PRDM16: variants seen among roughly 807,000 people sequenced by gnomAD.
PRDM16 encodes histone-lysine N-methyltransferase PRDM16.
In PRDM16, 23 loss-of-function variants were observed where a neutral mutation model predicts 110.6. The observed-to-expected ratio is 0.21, with a 90% CI of 0.15 to 0.29. PRDM16 has a LOEUF of 0.29. Ranked by LOEUF, PRDM16 falls within the 10% of genes least tolerant of loss-of-function variation. PRDM16 has a pLI of 1.00. For missense variants in PRDM16, 1,615 were observed against 1,794.3 expected, an observed-to-expected ratio of 0.90 and a Z score of 1.81; for synonymous variants, 799 against 781.8, an observed-to-expected ratio of 1.02 and a Z score of -0.37.
At chr1:3,303,505 G>A (rs1317253263) in intron 3 of PRDM16, among the ~76,000 whole-genome samples, 1 of 152,216 alleles carries the variant, frequency 6.6e-6, no homozygotes, top group Non-Finnish European at 1.5e-5. Context: ...TCGCCGTTGG[G>A]AAGAGTGCCG....
chr1:3,293,150 C>T (rs1002036297), intron 3 of PRDM16, among the ~76,000 whole-genome samples: 8 of 152,230 alleles, frequency 5.3e-5, no homozygotes, highest in South Asian at 4.1e-4. Flanking sequence ...GGCTCAGACA[C>T]GTGTTGAGTG....
Position 3,080,945 on chromosome 1 carries a change from G to C in PRDM16, c.37+11649G>C, listed in dbSNP as rs1198998589. 6.6e-6 allele frequency among the ~76,000 whole-genome samples: 1 copy of C among 151,400 alleles called. No homozygotes were observed. The highest frequency in any genetic ancestry group is 2.0e-4 in the East Asian group (1 of 5,108). On this transcript the variant is annotated intron_variant, in intron 1 of 16. Coordinates refer to ENST00000270722, the MANE Select transcript of PRDM16 (RefSeq NM_022114.4). This position sits in a 1 kb window ranked among gnomAD's most constrained non-coding sequence, Gnocchi z 5.2. ...GTGCCTGAGAGTGTGTGTGTGTAGA[G>C]GGGGTGGCGGGGCGGGGGGGGTCTG...
At position 3,143,929 on chromosome 1, in the gene PRDM16, G is replaced by A. The variant is rs147612088; in HGVS notation, c.38-42196G>A. 2.6e-5 allele frequency among the ~76,000 whole-genome samples: 4 copies of A among 152,288 alleles called. No individual in the cohort carries two copies. Among genetic ancestry groups the A allele is most frequent in the East Asian group, 1.9e-4 (1 of 5,184 alleles). On this transcript the variant is annotated intron_variant, in intron 1 of 16. Coordinates refer to ENST00000270722, the MANE Select transcript of PRDM16 (RefSeq NM_022114.4). The surrounding 1 kb of genome is among the most constrained non-coding windows in gnomAD (Gnocchi z 4.5). Reference sequence around the variant, plus strand: ...TGGGGCATCTTGTCATGTGTTAGTCGTAGTGAAGGCTCCACAAGCACTTTT... The same window carrying A: ...TGGGGCATCTTGTCATGTGTTAGTCATAGTGAAGGCTCCACAAGCACTTTT...
At chr1:3,325,239 G>A (rs1450734054) in intron 3 of PRDM16, among the ~76,000 whole-genome samples, 2 of 152,346 alleles carry the variant, frequency 1.3e-5, no homozygotes, top group East Asian at 3.9e-4. Flanking sequence ...AGCCTGCCAG[G>A]GAGGAGTGAC....
At chr1:3,098,300 C>T (rs751575359) in intron 1 of PRDM16, among the ~76,000 whole-genome samples, 39 of 152,308 alleles carry the variant, frequency 2.6e-4, no homozygotes, top group Non-Finnish European at 2.1e-4. Flanking sequence ...TTTCTTGGGG[C>T]CGGCTCCCTG....
At chr1:3,393,349 C>T (rs1643328120) in intron 4 of PRDM16, among the ~76,000 whole-genome samples, 1 of 152,254 alleles carries the variant, frequency 6.6e-6, no homozygotes, top group Non-Finnish European at 1.5e-5. Flanking sequence ...TAAAGGCTAT[C>T]AGAGACTCCA....
At chr1:3,259,292 G>T (rs573283076) in intron 3 of PRDM16, among the ~76,000 whole-genome samples, 1 of 152,244 alleles carries the variant, frequency 6.6e-6, no homozygotes, top group African/African-American at 2.4e-5. Flanking sequence ...GGCTGCAGCT[G>T]GGGCTGGGGA....
intron 1 of PRDM16, among the ~76,000 whole-genome samples, chr1:3,106,723 G>A (rs556881536): frequency 6.6e-6 from 1 of 152,158 alleles, no homozygotes; most frequent in South Asian, 2.1e-4. Flanking sequence ...GGCCAGCATG[G>A]GGGGGAGCAG....
rs1557602036 is a variant in PRDM16 at position 3,315,605 on chromosome 1, C to T, written c.439-69547C>T. 3.9e-5 allele frequency among the ~76,000 whole-genome samples: 6 copies of T among 152,274 alleles called. No homozygotes were observed. In the South Asian group the frequency reaches 8.3e-4, roughly 21 times the overall value. On this transcript the variant is annotated intron_variant, in intron 3 of 16. Transcript: ENST00000270722. Reference sequence around the variant, plus strand: ...GTACTTTTTTAATGAGCCAAGAGAACATGGCACAGCCTGGAGAGGAGGGGC... The same window carrying T: ...GTACTTTTTTAATGAGCCAAGAGAATATGGCACAGCCTGGAGAGGAGGGGC...
In PRDM16 at chr1:3,201,771, G is replaced by A. The variant is rs999881262; in HGVS notation, c.387+15297G>A. On this transcript the variant is annotated intron_variant, in intron 2 of 16. Transcript: ENST00000270722. This position sits in a 1 kb window ranked among gnomAD's most constrained non-coding sequence, Gnocchi z 4.1. ...AGGGTCGTGTCTGCCCCGCTTCCAC[G>A]CGAGCCCTCTCCCACCTGGCCTCTG... Among the ~76,000 whole-genome samples, 4 of 152,178 alleles carry A rather than the reference G, an allele frequency of 2.6e-5. No homozygotes were observed. The highest frequency in any genetic ancestry group is 1.3e-4 in the Admixed American group (2 of 15,288).
At chr1:3,082,460 G>A (rs11578424) in intron 1 of PRDM16, among the ~76,000 whole-genome samples, 1 of 152,050 alleles carries the variant, frequency 6.6e-6, no homozygotes, top group African/African-American at 2.4e-5. Context: ...AGCCTGCAGG[G>A]TCTGGGGACC....
rs116563480 is a variant in PRDM16 at position 3,430,631 on chromosome 1, T to C, written c.3285-241T>C. Among the ~76,000 whole-genome samples the C allele has an allele frequency of 8.7e-3, 1,331 of 152,352 alleles. 21 individuals carry two copies. Among genetic ancestry groups the C allele is most frequent in the African/African-American group, 0.03 (1,227 of 41,592 alleles). Reference sequence around the variant, plus strand: ...GCCATAGCAGCTTGCTGCTGGGCCTTGCCCTGCCCCCACCGCCCCGAGCGC... The same window carrying C: ...GCCATAGCAGCTTGCTGCTGGGCCTCGCCCTGCCCCCACCGCCCCGAGCGC... On this transcript the variant is annotated intron_variant, in intron 14 of 16. Coordinates refer to ENST00000270722, the MANE Select transcript of PRDM16 (RefSeq NM_022114.4).
chr1:3,151,772 G>A (rs762664194), intron 1 of PRDM16, among the ~76,000 whole-genome samples: 4 of 152,206 alleles, frequency 2.6e-5, no homozygotes, highest in South Asian at 2.1e-4. Context: ...CTCCACTCCC[G>A]GAGAAGAGAG....
chr1:3,219,972 G>A (rs958127234), intron 2 of PRDM16, among the ~76,000 whole-genome samples: 7 of 152,164 alleles, frequency 4.6e-5, no homozygotes, highest in East Asian at 3.9e-4. Flanking sequence ...TGCGGTGCTG[G>A]CCACAGATGT....
chr1:3,146,284 G>C (rs375329829), intron 1 of PRDM16, among the ~76,000 whole-genome samples: 9 of 152,224 alleles, frequency 5.9e-5, no homozygotes, highest in Non-Finnish European at 1.0e-4. Flanking sequence ...GGGCCTCCCC[G>C]CTAACAGCCA....
intron 1 of PRDM16, among the ~76,000 whole-genome samples, chr1:3,102,579 A>T (rs748536502): frequency 6.6e-6 from 1 of 152,208 alleles, no homozygotes; most frequent in Non-Finnish European, 1.5e-5. Context: ...CATTTGGGGA[A>T]GTGCTCATGG....
rs760972158 is a variant in PRDM16, at chr1:3,396,545, G to C, written c.628G>C (p.Val210Leu). 3 of 1,607,116 alleles carry C rather than the reference G, an allele frequency of 1.9e-6. No individual in the cohort carries two copies. The highest frequency in any genetic ancestry group is 2.5e-6 in the Non-Finnish European group (3 of 1,176,634). ...IEPGEELLVH[V>L]KEGVYPLGTV... ...GCCAGGTGAGGAGCTGCTGGTGCAC[G>C]TGAAGGAAGGCGTCTACCCCCTGGG... The change falls in exon 5 of 17, where the codon GTG becomes CTG. Residue 210 changes from valine (V) to leucine (L), a missense_variant. Physicochemically the swap from Val to Leu is conservative, Grantham distance 32. This residue lies in a region of PRDM16 where 416 missense variants were observed against 467.1 expected (regional missense o/e 0.89). Coordinates refer to ENST00000270722, the MANE Select transcript of PRDM16 (RefSeq NM_022114.4).
intron 5 of PRDM16, among the ~76,000 whole-genome samples, chr1:3,397,515 T>C (rs1643403573): frequency 6.6e-6 from 1 of 152,276 alleles, no homozygotes; most frequent in Non-Finnish European, 1.5e-5. Flanking sequence ...AAAGGCTCTG[T>C]GGGCAGTGAG....
intron 1 of PRDM16, among the ~76,000 whole-genome samples, chr1:3,101,176 C>T (rs1428559843): frequency 6.6e-6 from 1 of 152,170 alleles, no homozygotes; most frequent in Non-Finnish European, 1.5e-5. Flanking sequence ...ATGAGCTCAG[C>T]TCTCCTCCTG....
Sources: allele counts gnomAD v4.1 joint callset (sites outside exome capture counted in the v4.1 genomes callset), GRCh38; gene constraint gnomAD v4.1.1; regional missense constraint gnomAD v4.1.1; non-coding constraint Gnocchi (gnomAD v3.1); transcripts MANE v1.5; gene names NCBI Gene and HGNC (gene_info 2026-07-23, HGNC 2026-07-21).